Variants in ME3 observed in about 807,000 individuals in gnomAD.
ME3 encodes malic enzyme 3.
Under a neutral mutation model 68.9 loss-of-function variants are expected in ME3, and 48 were observed. The observed-to-expected ratio is 0.70, with a 90% CI of 0.55 to 0.89. The LOEUF is 0.89. Among genes scored for constraint, ME3 ranks in the 40% least tolerant of loss-of-function variants. The pLI is 0.00. For missense variants in ME3, 675 were observed against 797.4 expected (o/e 0.85, Z 1.85); for synonymous variants, 320 against 318.8 (o/e 1.00, Z -0.04).
intron 2 of ME3, among the ~76,000 whole-genome samples, chr11:86,619,439 G>T (rs1251779944): frequency 6.6e-6 from 1 of 152,170 alleles, no homozygotes; most frequent in African/African-American, 2.4e-5. Context: ...TAATGGTTTG[G>T]CTGTGTCCCC....
intron 2 of ME3, among the ~76,000 whole-genome samples, chr11:86,627,694 T>C (rs1470587762): frequency 6.6e-6 from 1 of 152,172 alleles, no homozygotes; most frequent in African/African-American, 2.4e-5. Flanking sequence ...CTCAAAATCA[T>C]AACCCTCAGG....
At chr11:86,573,059 T>C (rs1193977393) in intron 2 of ME3, among the ~76,000 whole-genome samples, 1 of 122,450 alleles carries the variant, frequency 8.2e-6, no homozygotes, top group Non-Finnish European at 1.8e-5. Context: ...CATATGTTTG[T>C]TGGCCGCATA....
At chr11:86,671,986 G>C in intron 1 of ME3, 28 bp from the exon 2 acceptor site, 3 of 1,364,476 alleles carry the variant, frequency 2.2e-6, no homozygotes, top group South Asian at 1.8e-5. Context: ...GCAAGGTCAG[G>C]GCCTCCTTCC....
At chr11:86,577,464 C>T (rs990330236) in intron 2 of ME3, among the ~76,000 whole-genome samples, 6 of 152,114 alleles carry the variant, frequency 3.9e-5, no homozygotes, top group African/African-American at 1.4e-4. Flanking sequence ...CAACAAATGT[C>T]GGGGGCCTCT....
chr11:86,540,604 T>G (rs1457800902), intron 4 of ME3, among the ~76,000 whole-genome samples: 1 of 152,138 alleles, frequency 6.6e-6, no homozygotes, highest in Non-Finnish European at 1.5e-5. Flanking sequence ...AAGAAATCAG[T>G]TCATAGATAA....
chr11:86,459,869 TC>T (rs1280121659), intron 8 of ME3, among the ~76,000 whole-genome samples: 2 of 152,164 alleles, frequency 1.3e-5, no homozygotes, highest in Admixed American at 1.3e-4. Context: ...ACAATGCAGG[TC>T]CAGGGAAGGC....
intron 8 of ME3, among the ~76,000 whole-genome samples, chr11:86,460,451 G>A (rs1423151869): frequency 2.6e-5 from 4 of 152,230 alleles, no homozygotes; most frequent in Admixed American, 2.0e-4. Context: ...TGCCCTCTGG[G>A]AGATCAGTAG....
intron 2 of ME3, among the ~76,000 whole-genome samples, chr11:86,596,651 G>A (rs1959508445): frequency 1.3e-5 from 2 of 152,278 alleles, no homozygotes; most frequent in South Asian, 4.1e-4. Context: ...GGCTGGAAGG[G>A]ACCTTAAGGA....
chr11:86,509,267 G>C (rs149505830), intron 4 of ME3, among the ~76,000 whole-genome samples: 1 of 152,186 alleles, frequency 6.6e-6, no homozygotes, highest in Non-Finnish European at 1.5e-5. Flanking sequence ...GGATCCCTAG[G>C]CCTGAGTCCG....
At chr11:86,464,045 T>A (rs1269394393) in intron 8 of ME3, 1 of 431,592 alleles carries the variant, frequency 2.3e-6, no homozygotes, top group East Asian at 7.2e-5. Context: ...TGTTATTACC[T>A]GAGTTTGAGT....
chr11:86,495,928 A>G (rs75708389), intron 6 of ME3, among the ~76,000 whole-genome samples: 2,355 of 152,266 alleles, frequency 0.015, 56 homozygotes, highest in African/African-American at 0.051. Flanking sequence ...GGTACTGGGA[A>G]CCAAGGTCCC....
At position 86,550,716 on chromosome 11, in the gene ME3, A is replaced by ATG. The variant is rs141087423; in HGVS notation, c.467+5835_467+5836dup. 3.3e-5 allele frequency among the ~76,000 whole-genome samples: 5 copies of ATG among 151,878 alleles called. No homozygotes were observed. The East Asian group carries it at 7.8e-4, about 24-fold the overall frequency. Reference sequence around the variant, plus strand: ...CTTGCCTCCCAATTTTGCTGGGAGTATGTGTGTGTGTGTTTGTGTGTATTC... The same window carrying ATG: ...CTTGCCTCCCAATTTTGCTGGGAGTATGTGTGTGTGTGTGTTTGTGTGTATTC... On this transcript the variant is annotated intron_variant, in intron 4 of 14. Coordinates refer to ENST00000543262, the Ensembl canonical transcript of ME3.
At position 86,501,601 on chromosome 11, in the gene ME3, A is replaced by G. The variant is rs116833366; in HGVS notation, c.544-3477T>C. 4.9e-3 allele frequency among the ~76,000 whole-genome samples: 741 copies of G among 152,330 alleles called. 9 individuals carry two copies. Among genetic ancestry groups the G allele is most frequent in the African/African-American group, 0.017 (718 of 41,582 alleles). On this transcript the variant is annotated intron_variant, in intron 5 of 14. Coordinates refer to ENST00000543262, the Ensembl canonical transcript of ME3. ...CTGGACATTGCTACTCAAATGTCCA[A>G]TAGTCTTCCCAATTCCCACAAGTCC...
At chr11:86,667,596 C>T (rs1946660299) in intron 2 of ME3, 1 of 152,184 alleles carries the variant, frequency 6.6e-6, no homozygotes, top group Non-Finnish European at 1.5e-5. Context: ...TGTGACAAGA[C>T]AGAGTGTCTG....
intron 2 of ME3, among the ~76,000 whole-genome samples, chr11:86,669,287 T>C (rs559283421): frequency 6.6e-6 from 1 of 152,326 alleles, no homozygotes; most frequent in East Asian, 1.9e-4. Flanking sequence ...TCAGCTGACT[T>C]CAGGAATATA....
At chr11:86,438,646 T>C (rs1293471614), downstream of ME3, among the ~76,000 whole-genome samples, 1 of 152,204 alleles carries the variant, frequency 6.6e-6, no homozygotes, top group African/African-American at 2.4e-5. Flanking sequence ...TCTTTACTTA[T>C]TATAGGTATA....
intron 7 of ME3, among the ~76,000 whole-genome samples, chr11:86,480,362 G>A (rs1299700546): frequency 1.3e-5 from 2 of 152,218 alleles, no homozygotes; most frequent in Non-Finnish European, 2.9e-5. Context: ...CACGGGATAA[G>A]TATACCCTTT....
intron 5 of ME3, among the ~76,000 whole-genome samples, chr11:86,499,214 G>A (rs1304755436): frequency 1.3e-5 from 2 of 152,054 alleles, no homozygotes; most frequent in African/African-American, 4.8e-5. Flanking sequence ...AATGTAGGAT[G>A]TGTTTGGGGA....
intron 10 of ME3, 48 bp from the exon 11 acceptor site, chr11:86,448,303 G>T: frequency 1.4e-6 from 2 of 1,392,066 alleles, no homozygotes; most frequent in South Asian, 1.2e-5. Flanking sequence ...TGGCCTGTTG[G>T]GTAGGAGTAC....
Sources: gnomAD v4.1 joint callset for allele counts (sites outside exome capture counted in the v4.1 genomes callset) on GRCh38, gnomAD v4.1.1 for gene constraint, MANE v1.5 for transcripts, NCBI Gene and HGNC (gene_info 2026-07-23, HGNC 2026-07-21) for gene names.